CAST: variants seen among roughly 807,000 people sequenced by gnomAD.
CAST encodes the protein calpastatin.
CAST carries 76 observed loss-of-function variants against 119.6 expected under a neutral mutation model. The ratio of observed to expected loss-of-function variants is 0.64; its 90% confidence interval spans 0.53 to 0.77. CAST has a LOEUF of 0.77. Among genes scored for constraint, CAST ranks in the 30% least tolerant of loss-of-function variants. CAST has a pLI of 0.00. For missense variants in CAST, 953 were observed against 946.5 expected, an observed-to-expected ratio of 1.01 and a Z score of -0.09; for synonymous variants, 319 against 331.6, an observed-to-expected ratio of 0.96 and a Z score of 0.41.
chr5:96,403,795 C>T, the CAST span, among the ~76,000 whole-genome samples: 1 of 152,302 alleles, frequency 6.6e-6, no homozygotes, highest in South Asian at 2.1e-4. Flanking sequence ...CTAACTTGGA[C>T]TTTCTAACAT....
intron 16 of CAST, chr5:96,743,822 G>A: frequency 1.0e-6 from 1 of 990,896 alleles, no homozygotes; most frequent in Admixed American, 2.3e-5. Context: ...GCCGACAGAA[G>A]CAGTGTCATC....
chr5:96,191,785 G>T, the CAST span, among the ~76,000 whole-genome samples: 1 of 152,182 alleles, frequency 6.6e-6, no homozygotes, highest in Admixed American at 6.5e-5. Flanking sequence ...GGCCAGGATG[G>T]TCTCAATCTC....
the CAST span, among the ~76,000 whole-genome samples, chr5:96,430,856 C>T: frequency 6.6e-6 from 1 of 152,106 alleles, no homozygotes; most frequent in Non-Finnish European, 1.5e-5. Flanking sequence ...ACTATGCTAT[C>T]CCTTACTCAA....
At chr5:96,075,210 T>G in the CAST span, among the ~76,000 whole-genome samples, 2 of 152,324 alleles carry the variant, frequency 1.3e-5, no homozygotes, top group Admixed American at 1.3e-4. Flanking sequence ...GTCTCTTAGT[T>G]CTCAGAGAAA....
the CAST span, among the ~76,000 whole-genome samples, chr5:96,282,991 G>A: frequency 2.0e-5 from 3 of 150,904 alleles, no homozygotes; most frequent in East Asian, 3.9e-4. Flanking sequence ...TTAGCCGGGC[G>A]TGATGGCGGG....
the CAST span, among the ~76,000 whole-genome samples, chr5:96,494,423 G>T: frequency 0.33 from 50,594 of 152,102 alleles, 10,299 homozygotes; most frequent in Non-Finnish European, 0.47. Flanking sequence ...GCATGGAATA[G>T]CAAGAACAGA....
chr5:96,554,245 A>G (rs1243667934), intron 1 of CAST, among the ~76,000 whole-genome samples: 2 of 152,166 alleles, frequency 1.3e-5, no homozygotes, highest in African/African-American at 2.4e-5. Flanking sequence ...CTCAGAAATA[A>G]CACCACACAT....
At chr5:96,762,196 GAGTTAT>G (rs1237882404) in intron 24 of CAST, 72 bp from the exon 25 acceptor site, 70 of 790,094 alleles carry the variant, frequency 8.9e-5, no homozygotes, top group Admixed American at 3.5e-4. Flanking sequence ...CTATCTTTAA[GAGTTAT>G]AGTTAAGTGA....
At chr5:96,303,300 T>C in the CAST span, among the ~76,000 whole-genome samples, 11 of 152,158 alleles carry the variant, frequency 7.2e-5, no homozygotes, top group Admixed American at 6.5e-5. Context: ...TCCTCCAAGA[T>C]TGAGGATTAC....
chr5:96,622,248 G>A (rs1747627756), intron 1 of CAST, among the ~76,000 whole-genome samples: 1 of 152,188 alleles, frequency 6.6e-6, no homozygotes, highest in South Asian at 2.1e-4. Context: ...TATTACAGGT[G>A]TGAGCCATTG....
intron 2 of CAST, 71 bp downstream of exon 2, chr5:96,675,672 A>G: frequency 8.7e-7 from 1 of 1,154,216 alleles, no homozygotes; most frequent in South Asian, 1.4e-5. Context: ...GAAATATTAA[A>G]TAACGATGTA....
rs1157517549 is a variant in CAST at position 96,746,362 on chromosome 5, A to G, written c.1221A>G (p.Lys407=). 1 of 1,610,964 alleles carries G rather than the reference A, an allele frequency of 6.2e-7. No individual in the cohort carries two copies. The highest frequency in any genetic ancestry group is 2.2e-5 in the East Asian group (1 of 44,874). The change falls in exon 17 of 32, where the codon AAA becomes AAG. Residue 407 remains lysine, a synonymous_variant. Transcript: ENST00000675179. ...ATCAGGCAAAAGCTAAAGAAGAAAAACTAGAGAAGTGTGGTGAGGATGATG... is the reference window on the plus strand; with the variant it reads ...ATCAGGCAAAAGCTAAAGAAGAAAAGCTAGAGAAGTGTGGTGAGGATGATG... ...EVDEAKAKEE[K]LEKCGEDDET...
chr5:96,452,709 G>T, the CAST span, among the ~76,000 whole-genome samples: 1 of 143,376 alleles, frequency 7.0e-6, no homozygotes, highest in South Asian at 2.2e-4. Flanking sequence ...CCAGCACTTT[G>T]GGAGGCCGAG....
At chr5:96,609,354 A>AAGAC (rs1747318009) in intron 1 of CAST, among the ~76,000 whole-genome samples, 1 of 152,212 alleles carries the variant, frequency 6.6e-6, no homozygotes, top group Non-Finnish European at 1.5e-5. Context: ...ATTTTTGAAG[A>AAGAC]AGACATGAAG....
At chr5:96,456,061 C>T in the CAST span, among the ~76,000 whole-genome samples, 2 of 152,016 alleles carry the variant, frequency 1.3e-5, no homozygotes, top group Admixed American at 6.6e-5. Context: ...ATAAACTTCC[C>T]CTCATTCTCG....
chr5:96,301,760 T>C, the CAST span, among the ~76,000 whole-genome samples: 1 of 152,240 alleles, frequency 6.6e-6, no homozygotes, highest in African/African-American at 2.4e-5. Context: ...TCGAAGGGCC[T>C]TGGACAGCTC....
At chr5:96,186,827 C>T in the CAST span, among the ~76,000 whole-genome samples, 1 of 152,132 alleles carries the variant, frequency 6.6e-6, no homozygotes, top group Non-Finnish European at 1.5e-5. Flanking sequence ...TGTTGTATCT[C>T]TGCCACGTTT....
chr5:96,441,091 T>C, the CAST span, among the ~76,000 whole-genome samples: 1 of 152,258 alleles, frequency 6.6e-6, no homozygotes, highest in African/African-American at 2.4e-5. Context: ...GTTGAAGTTA[T>C]TATACATAAC....
At chr5:96,176,508 T>C in the CAST span, among the ~76,000 whole-genome samples, 1 of 152,154 alleles carries the variant, frequency 6.6e-6, no homozygotes, top group Non-Finnish European at 1.5e-5. Flanking sequence ...ACTAAGAAAT[T>C]CTTAGGTAAG....
Sources: allele counts gnomAD v4.1 joint callset (sites outside exome capture counted in the v4.1 genomes callset), GRCh38; gene constraint gnomAD v4.1.1; transcripts MANE v1.5; gene names NCBI Gene and HGNC (gene_info 2026-07-23, HGNC 2026-07-21).